OR5BS1: variants seen among roughly 807,000 people sequenced by gnomAD.
The protein encoded by OR5BS1 is olfactory receptor family 5 subfamily BS member 1, also known as olfactory receptor 5BS1.
chr12:48,560,528 G>A, the OR5BS1 span: 6 of 401,778 alleles, frequency 1.5e-5, no homozygotes, highest in African/African-American at 4.1e-5. Context: ...CTTTTGCTGG[G>A]TTCCTACAGC....
At chr12:48,560,479 C>T in the OR5BS1 span, 1 of 401,924 alleles carries the variant, frequency 2.5e-6, no homozygotes, top group Non-Finnish European at 4.4e-6. Flanking sequence ...CGTCTCCATT[C>T]TCACTACCAT....
the OR5BS1 span, among the ~76,000 whole-genome samples, chr12:48,561,063 A>G: frequency 6.6e-6 from 1 of 151,076 alleles, no homozygotes; most frequent in Non-Finnish European, 1.5e-5. Flanking sequence ...AAATTGCACT[A>G]CTGCACTCCA....
chr12:48,560,193 C>A, the OR5BS1 span: 1 of 401,298 alleles, frequency 2.5e-6, no homozygotes, highest in East Asian at 3.6e-5. Context: ...TCTCCCTGGT[C>A]ATATTTTCTG....
chr12:48,561,013 G>A, the OR5BS1 span, among the ~76,000 whole-genome samples: 2 of 150,904 alleles, frequency 1.3e-5, no homozygotes, highest in African/African-American at 4.9e-5. Context: ...TGAGGCAGGA[G>A]AATTGCTTCA....
At chr12:48,561,184 G>T in the OR5BS1 span, among the ~76,000 whole-genome samples, 2 of 151,602 alleles carry the variant, frequency 1.3e-5, no homozygotes, top group African/African-American at 2.4e-5. Context: ...CCAAGATAAA[G>T]ATTTTTCTAC....
the OR5BS1 span, among the ~76,000 whole-genome samples, chr12:48,560,912 G>A: frequency 6.6e-6 from 1 of 152,212 alleles, no homozygotes; most frequent in African/African-American, 2.4e-5. Context: ...AGACCAGCCT[G>A]GTCAACATGG....
chr12:48,560,246 G>T, the OR5BS1 span: 1 of 401,226 alleles, frequency 2.5e-6, no homozygotes, highest in East Asian at 3.6e-5. Context: ...GCCTATGACC[G>T]GTTTCAGGCC....
the OR5BS1 span, chr12:48,560,630 T>A: frequency 7.5e-6 from 3 of 401,332 alleles, no homozygotes; most frequent in Non-Finnish European, 1.3e-5. Context: ...GTGGTCACCA[T>A]CTTTTATACT....
At chr12:48,561,566 G>C in the OR5BS1 span, among the ~76,000 whole-genome samples, 2 of 152,144 alleles carry the variant, frequency 1.3e-5, no homozygotes, top group Non-Finnish European at 2.9e-5. Flanking sequence ...ATGCTTCTCA[G>C]ACATCGACAG....
chr12:48,560,604 C>T, the OR5BS1 span: 4 of 401,722 alleles, frequency 1.0e-5, no homozygotes, highest in Non-Finnish European at 1.8e-5. Context: ...TTTCCACCTG[C>T]TCTTCCCATT....
the OR5BS1 span, among the ~76,000 whole-genome samples, chr12:48,561,873 A>G: frequency 6.6e-6 from 1 of 152,216 alleles, no homozygotes; most frequent in African/African-American, 2.4e-5. Flanking sequence ...CTCATCTGCC[A>G]TGAGGGATGT....
the OR5BS1 span, among the ~76,000 whole-genome samples, chr12:48,562,628 G>C: frequency 2.6e-5 from 4 of 152,186 alleles, no homozygotes; most frequent in East Asian, 3.9e-4. Context: ...AGGCAGAAAT[G>C]ACTGACTTTT....
chr12:48,561,972 A>T, the OR5BS1 span, among the ~76,000 whole-genome samples: 1 of 152,112 alleles, frequency 6.6e-6, no homozygotes, highest in Non-Finnish European at 1.5e-5. Flanking sequence ...AACCAAACAC[A>T]TTGGAACCCA....
At chr12:48,562,738 A>G in the OR5BS1 span, 5 of 400,978 alleles carry the variant, frequency 1.2e-5, no homozygotes, top group Admixed American at 8.8e-5. Context: ...ATTGCTGCCA[A>G]CAGTGAGAAT....
chr12:48,561,672 A>G, the OR5BS1 span, among the ~76,000 whole-genome samples: 7 of 152,182 alleles, frequency 4.6e-5, no homozygotes, highest in Non-Finnish European at 1.0e-4. Flanking sequence ...AAATTGTTCA[A>G]TATTTTTCTC....
At chr12:48,562,166 T>C in the OR5BS1 span, among the ~76,000 whole-genome samples, 13 of 152,336 alleles carry the variant, frequency 8.5e-5, no homozygotes, top group South Asian at 6.2e-4. Context: ...ATTTTACCAG[T>C]TTTGGCTTCT....
At chr12:48,560,966 G>A in the OR5BS1 span, among the ~76,000 whole-genome samples, 9 of 152,152 alleles carry the variant, frequency 5.9e-5, no homozygotes, top group African/African-American at 2.2e-4. Context: ...AGCCAGGTGT[G>A]GTCACGTGCA....
At chr12:48,560,388 C>T in the OR5BS1 span, 252 of 401,568 alleles carry the variant, frequency 6.3e-4, no homozygotes, top group Middle Eastern at 6.2e-3. Flanking sequence ...AGCACTTCTG[C>T]GGCCCTAATG....
the OR5BS1 span, among the ~76,000 whole-genome samples, chr12:48,562,498 C>T: frequency 1.3e-5 from 2 of 152,124 alleles, no homozygotes; most frequent in Middle Eastern, 3.2e-3. Context: ...TACTTTTTAT[C>T]TGTCCCCAAT....
Sources: allele counts gnomAD v4.1 joint callset (sites outside exome capture counted in the v4.1 genomes callset), GRCh38; gene constraint gnomAD v4.1.1; transcripts MANE v1.5; gene names NCBI Gene and HGNC (gene_info 2026-07-23, HGNC 2026-07-21).